PRKCA: variants seen among roughly 807,000 people sequenced by gnomAD.
The protein encoded by PRKCA is protein kinase C alpha.
In PRKCA, 27 loss-of-function variants were observed where a neutral mutation model predicts 87.0. That is an observed-to-expected ratio of 0.31 (90% confidence interval 0.23 to 0.43). PRKCA has a LOEUF of 0.43. PRKCA is among the 20% of genes least tolerant of loss of function. The pLI is 1.00. For synonymous variants in PRKCA, 329 were observed against 311.1 expected, an observed-to-expected ratio of 1.06 and a Z score of -0.61; for missense variants, 518 against 852.3, an observed-to-expected ratio of 0.61 and a Z score of 4.88.
At chr17:66,681,098 GGGTGCTTGTAGTTCCA>G (rs1972478592) in intron 5 of PRKCA, among the ~76,000 whole-genome samples, 1 of 152,088 alleles carries the variant, frequency 6.6e-6, no homozygotes, top group African/African-American at 2.4e-5. Context: ...GTGTGATGGT[GGGTGCTTGTAGTTCCA>G]GCTACTCAGG....
At chr17:66,419,867 T>A (rs942600622) in intron 2 of PRKCA, among the ~76,000 whole-genome samples, 3 of 152,110 alleles carry the variant, frequency 2.0e-5, no homozygotes, top group African/African-American at 7.2e-5. Flanking sequence ...AAGGCATAGG[T>A]CCATCCATGT....
At chr17:66,548,865 G>A (rs8070914) in intron 3 of PRKCA, among the ~76,000 whole-genome samples, 11,010 of 151,570 alleles carry the variant, frequency 0.073, 417 homozygotes, top group Non-Finnish European at 0.084. Context: ...GTGTAGTGGC[G>A]CAATCACAGC....
chr17:66,779,717 A>G (rs1403802998), intron 14 of PRKCA, among the ~76,000 whole-genome samples: 1 of 152,198 alleles, frequency 6.6e-6, no homozygotes, highest in African/African-American at 2.4e-5. Flanking sequence ...GTTTCCACAA[A>G]TCACATATTG....
chr17:66,503,532 C>T (rs189463378), intron 3 of PRKCA, among the ~76,000 whole-genome samples: 135 of 152,304 alleles, frequency 8.9e-4, no homozygotes, highest in Middle Eastern at 3.4e-3. Context: ...AGAAGCTGAG[C>T]GCACTGACTG....
chr17:66,391,488 G>A (rs1910354442), intron 2 of PRKCA, among the ~76,000 whole-genome samples: 1 of 152,116 alleles, frequency 6.6e-6, no homozygotes, highest in Non-Finnish European at 1.5e-5. Flanking sequence ...ACAGAGGCCT[G>A]TTCATCACTT....
intron 3 of PRKCA, among the ~76,000 whole-genome samples, chr17:66,504,930 A>G (rs1466325847): frequency 6.6e-6 from 1 of 152,102 alleles, no homozygotes; most frequent in Non-Finnish European, 1.5e-5. Flanking sequence ...AATGTTCTGC[A>G]TGTCCTGTCG....
chr17:66,417,954 T>C (rs1036670311), intron 2 of PRKCA, among the ~76,000 whole-genome samples: 2 of 152,174 alleles, frequency 1.3e-5, no homozygotes, highest in Non-Finnish European at 2.9e-5. Flanking sequence ...AACACAAATC[T>C]GCACAGCAAT....
rs1466710209 is a variant in PRKCA at position 66,804,692 on chromosome 17, A to G, written c.*655A>G. 1 of 152,746 alleles carries G rather than the reference A, an allele frequency of 6.5e-6. No homozygotes were observed. Among genetic ancestry groups the G allele is most frequent in the Non-Finnish European group, 1.5e-5 (1 of 68,140 alleles). The allele number at this position is 152,746 out of a possible 1,614,324, so 9.5% of individuals were successfully genotyped here. ...CAGATGAGTGTTGGGTGAATCTGTC[A>G]TCTGGTACCCTCCTTGGTTGATAAC... On this transcript the variant is annotated 3_prime_UTR_variant, in exon 17 of 17. Transcript: ENST00000413366.
intron 2 of PRKCA, among the ~76,000 whole-genome samples, chr17:66,495,103 A>AG (rs1259836947): frequency 2.2e-5 from 3 of 138,404 alleles, no homozygotes; most frequent in Non-Finnish European, 4.9e-5. Context: ...CCCGGTCTCA[A>AG]AAAAAAAAAA....
chr17:66,607,239 C>T (rs938101872), intron 3 of PRKCA, among the ~76,000 whole-genome samples: 2 of 152,082 alleles, frequency 1.3e-5, no homozygotes, highest in African/African-American at 4.8e-5. Flanking sequence ...GCTTAAAACA[C>T]CTTTCATTAA....
At chr17:66,586,352 A>G (rs191201781) in intron 3 of PRKCA, among the ~76,000 whole-genome samples, 1 of 96,206 alleles carries the variant, frequency 1.0e-5, no homozygotes, top group Non-Finnish European at 2.2e-5. Context: ...TTAACTATTA[A>G]CTGAAAGATC....
At chr17:66,527,387 G>A (rs1380480776) in intron 3 of PRKCA, among the ~76,000 whole-genome samples, 3 of 152,214 alleles carry the variant, frequency 2.0e-5, no homozygotes, top group African/African-American at 4.8e-5. Flanking sequence ...TTTATAAGGC[G>A]ACAAATTGCA....
At chr17:66,376,170 T>C (rs1909405554) in intron 2 of PRKCA, among the ~76,000 whole-genome samples, 1 of 152,134 alleles carries the variant, frequency 6.6e-6, no homozygotes, top group Admixed American at 6.5e-5. Context: ...CATCAGAATC[T>C]TCAGGAATCA....
At chr17:66,356,997 G>A (rs1042983611) in intron 2 of PRKCA, among the ~76,000 whole-genome samples, 1 of 152,224 alleles carries the variant, frequency 6.6e-6, no homozygotes, top group African/African-American at 2.4e-5. Context: ...GGGCTCAAGT[G>A]ATCCACTTGC....
At chr17:66,785,159 C>T (rs1479779447) in intron 14 of PRKCA, among the ~76,000 whole-genome samples, 1 of 152,066 alleles carries the variant, frequency 6.6e-6, no homozygotes, top group East Asian at 1.9e-4. Context: ...GGCATCTTTC[C>T]CTCAGGGCAC....
At chr17:66,322,553 C>G (rs1343247179) in intron 2 of PRKCA, among the ~76,000 whole-genome samples, 3 of 152,040 alleles carry the variant, frequency 2.0e-5, no homozygotes, top group Non-Finnish European at 4.4e-5. Context: ...GCCTCCAACT[C>G]CTAGCCTCAA....
rs1975965312 is a variant in PRKCA, at chr17:66,804,014, C to T, written c.1996C>T (p.Pro666Ser). Residue 666 changes from proline to serine, a missense_variant, in exon 17 of 17, where the codon CCC becomes TCC. This residue lies in a region of PRKCA where 159 missense variants were observed against 232.4 expected (regional missense o/e 0.68). Coordinates refer to ENST00000413366, the MANE Select transcript of PRKCA (RefSeq NM_002737.3). ...GTATGTCAACCCCCAGTTTGTGCAC[C>T]CCATCTTACAGAGTGCAGTATGAAA... is the stretch of plus-strand genomic sequence containing the variant. ...FSYVNPQFVH[P>S]ILQSAV The T allele has an allele frequency of 6.2e-7, 1 of 1,613,584 alleles. No individual in the cohort carries two copies. Among genetic ancestry groups the T allele is most frequent in the Middle Eastern group, 1.7e-4 (1 of 5,992 alleles).
At chr17:66,561,869 A>G (rs1319891242) in intron 3 of PRKCA, among the ~76,000 whole-genome samples, 3 of 151,928 alleles carry the variant, frequency 2.0e-5, no homozygotes, top group African/African-American at 4.8e-5. Flanking sequence ...CATGGCAAGT[A>G]TAATGATGGC....
chr17:66,713,443 C>T (rs1364378060), intron 8 of PRKCA, among the ~76,000 whole-genome samples: 2 of 152,126 alleles, frequency 1.3e-5, no homozygotes, highest in Non-Finnish European at 2.9e-5. Flanking sequence ...ATCTGCTCCC[C>T]GTACCCCACC....
Sources: allele counts gnomAD v4.1 joint callset (sites outside exome capture counted in the v4.1 genomes callset), GRCh38; gene constraint gnomAD v4.1.1; regional missense constraint gnomAD v4.1.1; transcripts MANE v1.5; gene names NCBI Gene and HGNC (gene_info 2026-07-23, HGNC 2026-07-21).